PCDHGA4: variants seen among roughly 807,000 people sequenced by gnomAD.
PCDHGA4 encodes the protein protocadherin gamma subfamily A, 4.
PCDHGA4 carries 38 observed loss-of-function variants against 54.6 expected under a neutral mutation model. The observed-to-expected ratio is 0.70, with a 90% CI of 0.54 to 0.91. The LOEUF is 0.91. Ranked by LOEUF, PCDHGA4 falls within the 40% of genes least tolerant of loss-of-function variation. PCDHGA4 has a pLI of 0.00. For synonymous variants in PCDHGA4, 511 were observed against 512.9 expected, an observed-to-expected ratio of 1.00 and a Z score of 0.05; for missense variants, 1,298 against 1,220.9, an observed-to-expected ratio of 1.06 and a Z score of -0.94.
At chr5:141,468,560 T>G (rs571224791) in intron 1 of PCDHGA4, 1 of 152,004 alleles carries the variant, frequency 6.6e-6, no homozygotes, top group Non-Finnish European at 1.5e-5. Flanking sequence ...ATTTGTGATA[T>G]AGTAAACAAT....
chr5:141,400,254 G>T, intron 1 of PCDHGA4: 1 of 1,613,980 alleles, frequency 6.2e-7, no homozygotes, highest in Non-Finnish European at 8.5e-7. Flanking sequence ...CCGTTGCCTT[G>T]CGCCTGCGAC....
At chr5:141,436,331 T>A (rs919524287) in intron 1 of PCDHGA4, among the ~76,000 whole-genome samples, 1 of 152,198 alleles carries the variant, frequency 6.6e-6, no homozygotes, top group Non-Finnish European at 1.5e-5. Flanking sequence ...TTAGACCATA[T>A]CTCAAATATC....
chr5:141,404,533 T>A, intron 1 of PCDHGA4: 2 of 1,613,926 alleles, frequency 1.2e-6, no homozygotes. Flanking sequence ...AGTTTAGAGA[T>A]TTGCAAATGC....
chr5:141,365,276 C>G, intron 1 of PCDHGA4: 1 of 1,613,968 alleles, frequency 6.2e-7, no homozygotes, highest in Non-Finnish European at 8.5e-7. Flanking sequence ...CAGATTCTAC[C>G]TCATGGAAGT....
intron 1 of PCDHGA4, chr5:141,384,387 C>A (rs774707320): frequency 6.2e-7 from 1 of 1,613,950 alleles, no homozygotes; most frequent in Admixed American, 1.7e-5. Context: ...AAGACACCAT[C>A]CAGGGGGCTC....
intron 1 of PCDHGA4, chr5:141,384,838 C>G: frequency 6.2e-7 from 1 of 1,613,540 alleles, no homozygotes; most frequent in Non-Finnish European, 8.5e-7. Flanking sequence ...GGTGGCCGTC[C>G]AGGACCACGG....
intron 1 of PCDHGA4, chr5:141,399,630 G>A: frequency 1.9e-6 from 3 of 1,613,874 alleles, no homozygotes; most frequent in Non-Finnish European, 1.7e-6. Flanking sequence ...CCTCTTACGT[G>A]TCCATGAGCG....
intron 1 of PCDHGA4, among the ~76,000 whole-genome samples, chr5:141,456,690 C>T (rs893478646): frequency 7.2e-5 from 11 of 152,218 alleles, no homozygotes; most frequent in Admixed American, 5.2e-4. Flanking sequence ...ACTGGCCAGG[C>T]GTGGTGGCTC....
intron 3 of PCDHGA4, among the ~76,000 whole-genome samples, chr5:141,506,444 C>T (rs542906499): frequency 2.1e-5 from 2 of 95,022 alleles, no homozygotes; most frequent in South Asian, 3.6e-4. Flanking sequence ...CGCTCTGTCT[C>T]AAAAAAAAAA....
At chr5:141,419,570 G>T in intron 1 of PCDHGA4, 1 of 1,611,766 alleles carries the variant, frequency 6.2e-7, no homozygotes. Context: ...GGGTCCCGAC[G>T]GCTCCGCGCT....
Position 141,432,036 on chromosome 5 carries a change from AC to A in PCDHGA4, c.2515-62769del, listed in dbSNP as rs1419691535. The A allele has an allele frequency of 6.2e-7, 1 of 1,614,218 alleles. No individual in the cohort carries two copies. The highest frequency in any genetic ancestry group is 1.3e-5 in the African/African-American group (1 of 75,048). On this transcript the variant is annotated intron_variant, in intron 1 of 3. Coordinates refer to ENST00000571252, the MANE Select transcript of PCDHGA4 (RefSeq NM_018917.4). This position sits in a 1 kb window ranked among gnomAD's most constrained non-coding sequence, Gnocchi z 6.0. ...TACAACATCACAGTGACCGCCACTG[AC>A]CGGGGAACCCCGCCCCTATCCACGG...
rs771356119 is a variant in PCDHGA4 at position 141,385,251 on chromosome 5, C to G, written c.2514+27630C>G. Reference sequence around the variant, plus strand: ...TAGACATGCTCATCAGCCAGGAGAGCTGTGAGAAAAATGATTCTTTGCTAA... The same window carrying G: ...TAGACATGCTCATCAGCCAGGAGAGGTGTGAGAAAAATGATTCTTTGCTAA... On this transcript the variant is annotated intron_variant, in intron 1 of 3. Coordinates refer to ENST00000571252, the MANE Select transcript of PCDHGA4 (RefSeq NM_018917.4). The G allele has an allele frequency of 1.2e-5, 19 of 1,613,660 alleles. No individual in the cohort carries two copies. The Admixed American group carries it at 1.8e-4, about 16-fold the overall frequency.
chr5:141,369,135 G>A (rs1312211190), intron 1 of PCDHGA4, among the ~76,000 whole-genome samples: 2 of 152,130 alleles, frequency 1.3e-5, no homozygotes, highest in African/African-American at 4.8e-5. Context: ...CAGAAACATG[G>A]AAAATGGCAT....
At chr5:141,365,057 A>T (rs1763709144) in intron 1 of PCDHGA4, 1 of 1,613,594 alleles carries the variant, frequency 6.2e-7, no homozygotes, top group Non-Finnish European at 8.5e-7. Context: ...GCCCCTGTTC[A>T]CCCCATCCGA....
Position 141,427,801 on chromosome 5 carries a change from G to T in PCDHGA4, c.2515-67006G>T, listed in dbSNP as rs755067099. On this transcript the variant is annotated intron_variant, in intron 1 of 3. Coordinates refer to ENST00000571252, the MANE Select transcript of PCDHGA4 (RefSeq NM_018917.4). ...GCACTGTCGTCCTACGTGTCCGTGA[G>T]CGCACAGAGCGGGGTGGTGGTCGCG... 6 of 1,510,138 alleles carry T rather than the reference G, an allele frequency of 4.0e-6. No homozygotes were observed. In the African/African-American group the frequency reaches 8.2e-5, roughly 21 times the overall value. 93.5% of individuals were successfully genotyped at this position (1,510,138 alleles called of 1,614,324 possible). A position where few individuals can be genotyped will look rare whatever the true frequency, so the allele number is the denominator to read the frequency against.
chr5:141,389,211 G>T (rs2091646577), intron 1 of PCDHGA4: 1 of 1,613,940 alleles, frequency 6.2e-7, no homozygotes, highest in Admixed American at 1.7e-5. Context: ...CATTGGTGAT[G>T]TAAATGACAA....
chr5:141,498,971 GGGAAGGAAGGAAGGAAGGAAGGAAGGAA>G (rs201769957), intron 2 of PCDHGA4, among the ~76,000 whole-genome samples: 8 of 111,052 alleles, frequency 7.2e-5, no homozygotes, highest in South Asian at 3.8e-4. Flanking sequence ...GAGGGAGGGA[GGGAAGGAAGGAAGGAAGGAAGGAAGGAA>G]GGAAGGAAGG....
At chr5:141,440,841 A>G (rs1361003883) in intron 1 of PCDHGA4, 5 of 152,114 alleles carry the variant, frequency 3.3e-5, no homozygotes, top group Admixed American at 1.3e-4. Flanking sequence ...GTTGAAGCCA[A>G]TGACAACCCT....
intron 1 of PCDHGA4, among the ~76,000 whole-genome samples, chr5:141,446,394 A>C (rs796472404): frequency 1.1e-4 from 17 of 152,344 alleles, no homozygotes; most frequent in African/African-American, 3.4e-4. Context: ...ATTTAAGAGA[A>C]ATCGAGTTGA....
Sources: gnomAD v4.1 joint callset for allele counts (sites outside exome capture counted in the v4.1 genomes callset) on GRCh38, gnomAD v4.1.1 for gene constraint, Gnocchi (gnomAD v3.1) non-coding constraint, MANE v1.5 for transcripts, NCBI Gene and HGNC (gene_info 2026-07-23, HGNC 2026-07-21) for gene names.